DENND5B: variants seen among roughly 807,000 people sequenced by gnomAD.
DENND5B encodes the protein DENN domain-containing protein 5B.
DENND5B carries 34 observed loss-of-function variants against 140.6 expected under a neutral mutation model. The observed-to-expected ratio is 0.24, with a 90% CI of 0.18 to 0.32. The LOEUF (loss-of-function observed/expected upper bound fraction) is 0.32, where lower values mean the gene tolerates loss of function less well. Among genes scored for constraint, DENND5B ranks in the 10% least tolerant of loss-of-function variants. DENND5B has a pLI of 1.00. For missense variants in DENND5B, 1,142 were observed against 1,560.2 expected, an observed-to-expected ratio of 0.73 and a Z score of 4.52; for synonymous variants, 551 against 562.1, an observed-to-expected ratio of 0.98 and a Z score of 0.28.
At chr12:31,570,211 A>G (rs11051468) in intron 1 of DENND5B, among the ~76,000 whole-genome samples, 27,806 of 151,786 alleles carry the variant, frequency 0.18, 3,541 homozygotes, top group Admixed American at 0.39. Flanking sequence ...CAAACAAACA[A>G]AAAAACCAAG....
intron 1 of DENND5B, among the ~76,000 whole-genome samples, chr12:31,503,897 C>A (rs903792974): frequency 6.6e-6 from 1 of 152,238 alleles, no homozygotes; most frequent in South Asian, 2.1e-4. Context: ...TGACAGGTAA[C>A]CCCAGAAGCC....
intron 1 of DENND5B, 157 bp downstream of exon 1, chr12:31,590,549 A>G (rs1414103271): frequency 2.2e-6 from 2 of 927,786 alleles, no homozygotes; most frequent in Non-Finnish European, 2.9e-6. Context: ...TAACAATGTC[A>G]TTAAATCGCG....
intron 1 of DENND5B, among the ~76,000 whole-genome samples, chr12:31,572,683 T>C (rs1445495579): frequency 6.6e-6 from 1 of 152,174 alleles, no homozygotes; most frequent in Admixed American, 6.5e-5. Flanking sequence ...AAAGTGCTTA[T>C]TATAAGAAGG....
Position 31,545,042 on chromosome 12 carries a change from G to A in DENND5B, c.127+45664C>T, listed in dbSNP as rs574601624. Among the ~76,000 whole-genome samples the A allele has an allele frequency of 4.0e-5, 6 of 151,780 alleles. No homozygotes were observed. The East Asian group carries it at 9.7e-4, about 24-fold the overall frequency. On this transcript the variant is annotated intron_variant, in intron 1 of 20. Coordinates refer to ENST00000389082, the MANE Select transcript of DENND5B (RefSeq NM_144973.4). ...AAGGGGAATCAGTTTTTAGACAATC[G>A]CCCCCACCACAGACACACAGAAGCT...
chr12:31,409,348 T>C lies in DENND5B; in HGVS notation c.2718A>G (p.Glu906=), dbSNP rs1174358665. The part of the protein sequence containing the change: ...LYKRYAFLRC[E]EEREQFLYHL... ...GGTAAAGAAACTGCTCTCTTTCTTCTTCGCAACGTAGAAAAGCATATCGCT... is the reference window on the plus strand; with the variant it reads ...GGTAAAGAAACTGCTCTCTTTCTTCCTCGCAACGTAGAAAAGCATATCGCT... Residue 906 remains glutamate, a synonymous_variant, in exon 14 of 21, where the codon GAA becomes GAG. Transcript: ENST00000389082. 3.2e-6 allele frequency: 5 copies of C among 1,564,076 alleles called. No individual in the cohort carries two copies. The highest frequency in any genetic ancestry group is 4.3e-6 in the Non-Finnish European group (5 of 1,153,602).
chr12:31,487,265 G>A (rs1190017588), intron 2 of DENND5B, among the ~76,000 whole-genome samples: 1 of 152,096 alleles, frequency 6.6e-6, no homozygotes, highest in African/African-American at 2.4e-5. Flanking sequence ...TTTGGTAGGG[G>A]GTAAAAGCCA....
chr12:31,436,419 A>T (rs1943759656), intron 7 of DENND5B, among the ~76,000 whole-genome samples: 1 of 151,704 alleles, frequency 6.6e-6, no homozygotes, highest in South Asian at 2.1e-4. Flanking sequence ...CCTCTTGATG[A>T]AGCCACTGAA....
At chr12:31,533,200 C>T (rs1038079236) in intron 1 of DENND5B, among the ~76,000 whole-genome samples, 2 of 151,828 alleles carry the variant, frequency 1.3e-5, no homozygotes, top group South Asian at 2.1e-4. Flanking sequence ...TCTCCAAATC[C>T]ACAGTTCTGC....
At chr12:31,550,204 TC>T (rs1305192046) in intron 1 of DENND5B, among the ~76,000 whole-genome samples, 108 of 113,098 alleles carry the variant, frequency 9.5e-4, no homozygotes, top group Middle Eastern at 4.6e-3. Context: ...CCTAATGCTA[TC>T]CCTCCCCCCT....
At chr12:31,409,120 GA>G in intron 14 of DENND5B, 142 bp downstream of exon 14, 2 of 898,102 alleles carry the variant, frequency 2.2e-6, no homozygotes. Flanking sequence ...AGCATTTGGG[GA>G]ATATCCTTTA....
chr12:31,483,865 C>CTTTTTTTTTTTT (rs200066618), intron 2 of DENND5B, among the ~76,000 whole-genome samples: 1 of 129,420 alleles, frequency 7.7e-6, no homozygotes. Flanking sequence ...CTTTTCTTTT[C>CTTTTTTTTTTTT]TTTTTTTTTT....
intron 1 of DENND5B, among the ~76,000 whole-genome samples, chr12:31,505,843 T>G (rs932393749): frequency 5.3e-5 from 8 of 151,858 alleles, no homozygotes; most frequent in Non-Finnish European, 8.8e-5. Context: ...TAATTAATTG[T>G]TTTTTTGAGA....
At chr12:31,496,607 T>TA (rs1252518271) in intron 1 of DENND5B, among the ~76,000 whole-genome samples, 1 of 152,162 alleles carries the variant, frequency 6.6e-6, no homozygotes, top group East Asian at 1.9e-4. Flanking sequence ...CTCATGCCTG[T>TA]AATCCCAGAA....
At chr12:31,483,865 C>CTTTTTTTTTTTTT (rs200066618) in intron 2 of DENND5B, among the ~76,000 whole-genome samples, 2 of 129,420 alleles carry the variant, frequency 1.5e-5, no homozygotes, top group Non-Finnish European at 3.3e-5. Flanking sequence ...CTTTTCTTTT[C>CTTTTTTTTTTTTT]TTTTTTTTTT....
intron 1 of DENND5B, among the ~76,000 whole-genome samples, chr12:31,554,325 C>T (rs1949194934): frequency 6.6e-6 from 1 of 152,166 alleles, no homozygotes; most frequent in Admixed American, 6.5e-5. Context: ...ACTTATGAAG[C>T]TTAGTTTGGC....
chr12:31,540,665 C>T (rs1239064894), intron 1 of DENND5B, among the ~76,000 whole-genome samples: 1 of 151,056 alleles, frequency 6.6e-6, no homozygotes, highest in Non-Finnish European at 1.5e-5. Flanking sequence ...CCCCCCAACC[C>T]CCCCACCAAA....
rs1940901360 is a variant in DENND5B at position 31,387,465 on chromosome 12, C to T, written c.*138G>A. ...ACTACAATACAACATTTTGCCTTGT[C>T]TGTAGAGTGAGGATTGTTCCAAATG... On this transcript the variant is annotated 3_prime_UTR_variant, in exon 21 of 21. Coordinates refer to ENST00000389082, the MANE Select transcript of DENND5B (RefSeq NM_144973.4). The T allele has an allele frequency of 1.2e-6, 1 of 824,878 alleles. No homozygotes were observed. The highest frequency in any genetic ancestry group is 1.9e-6 in the Non-Finnish European group (1 of 534,646). 51.1% of individuals were successfully genotyped at this position (824,878 alleles called of 1,614,324 possible).
chr12:31,464,056 T>C (rs1360970466), intron 3 of DENND5B, among the ~76,000 whole-genome samples: 1 of 152,184 alleles, frequency 6.6e-6, no homozygotes, highest in South Asian at 2.1e-4. Flanking sequence ...GTTTTCTTCT[T>C]TAAGCATTTT....
At chr12:31,583,045 G>A (rs1950259336) in intron 1 of DENND5B, among the ~76,000 whole-genome samples, 1 of 152,184 alleles carries the variant, frequency 6.6e-6, no homozygotes, top group Admixed American at 6.5e-5. Context: ...TGTAATCCCA[G>A]CACTTTGGGA....
Sources: allele counts gnomAD v4.1 joint callset (sites outside exome capture counted in the v4.1 genomes callset), GRCh38; gene constraint gnomAD v4.1.1; transcripts MANE v1.5; gene names NCBI Gene and HGNC (gene_info 2026-07-23, HGNC 2026-07-21).